Variants in NUGGC observed in about 807,000 individuals in gnomAD.
The protein encoded by NUGGC is nuclear GTPase, germinal center associated, also known as nuclear GTPase SLIP-GC.
A neutral mutation model predicts 92.6 loss-of-function variants in NUGGC; 58 were observed. The observed-to-expected ratio is 0.63, with a 90% CI of 0.51 to 0.78. NUGGC has a LOEUF of 0.78. Among genes scored for constraint, NUGGC ranks in the 30% least tolerant of loss-of-function variants. The pLI is 0.00. For missense variants in NUGGC, 925 were observed against 964.6 expected (o/e 0.96, Z 0.54); for synonymous variants, 376 against 366.4 (o/e 1.03, Z -0.30).
Position 28,057,072 on chromosome 8 carries a change from C to T in NUGGC, c.1117-1018G>A, listed in dbSNP as rs146076457. Among the ~76,000 whole-genome samples the T allele has an allele frequency of 7.1e-3, 1,084 of 152,284 alleles. 8 individuals are homozygous for T. Among genetic ancestry groups the T allele is most frequent in the Non-Finnish European group, 1.0e-2 (680 of 68,028 alleles). On this transcript the variant is annotated intron_variant, in intron 9 of 18. Transcript: ENST00000413272. Reference sequence around the variant, plus strand: ...TTTTCAGCCTGTTTAGAGCAATACCCTAAATCTTGAATAACACCATCGGAC... The same window carrying T: ...TTTTCAGCCTGTTTAGAGCAATACCTTAAATCTTGAATAACACCATCGGAC...
chr8:28,047,649 C>G (rs202034819), intron 10 of NUGGC, 37 bp from the exon 11 acceptor site: 96 of 1,303,798 alleles, frequency 7.4e-5, no homozygotes, highest in Non-Finnish European at 1.0e-4. Flanking sequence ...CAGAATAACT[C>G]AAACCATAGC....
chr8:28,060,712 G>A (rs377205541), intron 7 of NUGGC, 111 bp from the exon 8 acceptor site: 55 of 811,354 alleles, frequency 6.8e-5, no homozygotes, highest in Non-Finnish European at 8.2e-5. Context: ...ACCCCTCACC[G>A]CTCCCCACCG....
intron 18 of NUGGC, among the ~76,000 whole-genome samples, chr8:28,023,944 A>G (rs1239296695): frequency 6.6e-6 from 1 of 152,182 alleles, no homozygotes; most frequent in Non-Finnish European, 1.5e-5. Flanking sequence ...CAGGGCCCAG[A>G]AACCGGATTA....
chr8:28,051,774 T>C (rs1208269451), intron 10 of NUGGC, among the ~76,000 whole-genome samples: 1 of 152,014 alleles, frequency 6.6e-6, no homozygotes, highest in Non-Finnish European at 1.5e-5. Flanking sequence ...AGTACAAAAT[T>C]AGCTGGGCCT....
rs1373174977 is a variant in NUGGC at position 28,023,193 on chromosome 8, G to A, written c.*124C>T. 4 of 1,045,902 alleles carry A rather than the reference G, an allele frequency of 3.8e-6. No homozygotes were observed. The highest frequency in any genetic ancestry group is 1.7e-5 in the South Asian group (1 of 60,380). 64.8% of individuals were successfully genotyped at this position (1,045,902 alleles called of 1,614,324 possible). A position where few individuals can be genotyped will look rare whatever the true frequency, so the allele number is the denominator to read the frequency against. ...TTCGAGGCTGCAGTGAGCTGTGATGGTGCCACTGCACTCCAGCCTGGGCAA... is the reference window on the plus strand; with the variant it reads ...TTCGAGGCTGCAGTGAGCTGTGATGATGCCACTGCACTCCAGCCTGGGCAA... On this transcript the variant is annotated 3_prime_UTR_variant, in exon 19 of 19. Coordinates refer to ENST00000413272, the MANE Select transcript of NUGGC (RefSeq NM_001010906.2).
At chr8:28,041,277 G>A in intron 12 of NUGGC, 62 bp from the exon 13 acceptor site, 1 of 1,507,254 alleles carries the variant, frequency 6.6e-7, no homozygotes, top group Non-Finnish European at 9.0e-7. Flanking sequence ...TTCTCCTGAA[G>A]CTTTGCTTTC....
rs139620826 is a variant in NUGGC, at chr8:28,079,720, C to G, written c.-47+4055G>C. ...CAGCCTCTAATAGGCACTATTTAAA[C>G]AAGCCCCCTGGAGCTCAGGCATAGG... On this transcript the variant is annotated intron_variant, in intron 1 of 18. Coordinates refer to ENST00000413272, the MANE Select transcript of NUGGC (RefSeq NM_001010906.2). Among the ~76,000 whole-genome samples the G allele has an allele frequency of 3.9e-5, 6 of 152,284 alleles. No individual in the cohort carries two copies. The East Asian group carries it at 1.2e-3, about 29-fold the overall frequency.
intron 9 of NUGGC, among the ~76,000 whole-genome samples, chr8:28,056,714 G>A (rs991939612): frequency 2.0e-5 from 3 of 152,040 alleles, no homozygotes; most frequent in Non-Finnish European, 2.9e-5. Flanking sequence ...GTACTACCAC[G>A]AAATGCACAC....
At chr8:28,028,951 G>A (rs952861960) in intron 17 of NUGGC, among the ~76,000 whole-genome samples, 7 of 152,078 alleles carry the variant, frequency 4.6e-5, no homozygotes, top group African/African-American at 1.4e-4. Context: ...TACATCTCCC[G>A]CTGCCAGAAG....
intron 18 of NUGGC, among the ~76,000 whole-genome samples, chr8:28,024,187 A>G (rs1809192331): frequency 6.9e-6 from 1 of 145,636 alleles, no homozygotes; most frequent in Non-Finnish European, 1.5e-5. Flanking sequence ...CGCCTAGCTA[A>G]ATTCTTTCTT....
intron 16 of NUGGC, 31 bp from the exon 17 acceptor site, chr8:28,029,433 A>G (rs1419015217): frequency 6.2e-7 from 1 of 1,609,392 alleles, no homozygotes; most frequent in Non-Finnish European, 8.5e-7. Context: ...AGTCACACCA[A>G]GACAAGGACC....
At position 28,060,434 on chromosome 8, in the gene NUGGC, T is replaced by C. The variant is rs1444550131; in HGVS notation, c.1089A>G (p.Glu363=). Residue 363 remains glutamate, a synonymous_variant, in exon 8 of 19, where the codon GAA becomes GAG. Coordinates refer to ENST00000413272, the MANE Select transcript of NUGGC (RefSeq NM_001010906.2). ...VTKMDKLHLP[E]YLRERKAGNQ... Reference sequence around the variant, plus strand: ...CAAGCCCAGCACAATACCTTAGGTATTCTGGCAAGTGGAGTTTGTCCATCT... The same window carrying C: ...CAAGCCCAGCACAATACCTTAGGTACTCTGGCAAGTGGAGTTTGTCCATCT... The C allele has an allele frequency of 1.9e-6, 3 of 1,613,626 alleles. No individual in the cohort carries two copies. The highest frequency in any genetic ancestry group is 2.5e-6 in the Non-Finnish European group (3 of 1,179,720).
At chr8:28,041,737 G>A (rs191444575) in intron 12 of NUGGC, among the ~76,000 whole-genome samples, 172 of 152,264 alleles carry the variant, frequency 1.1e-3, no homozygotes, top group African/African-American at 4.0e-3. Context: ...CTGGTCTTCC[G>A]AGCTATGGAC....
intron 15 of NUGGC, 33 bp downstream of exon 15, chr8:28,031,210 C>G: frequency 6.2e-7 from 1 of 1,613,228 alleles, no homozygotes; most frequent in Non-Finnish European, 8.5e-7. Context: ...CATGCCCAAC[C>G]TCACTGCTCT....
intron 18 of NUGGC, among the ~76,000 whole-genome samples, chr8:28,024,709 AG>A (rs1165016346): frequency 1.3e-5 from 2 of 152,220 alleles, no homozygotes; most frequent in East Asian, 3.9e-4. Context: ...TCATGAGCAG[AG>A]GGGAGTTAGG....
intron 1 of NUGGC, among the ~76,000 whole-genome samples, chr8:28,082,410 G>A (rs1810872487): frequency 1.3e-5 from 2 of 152,214 alleles, no homozygotes; most frequent in Admixed American, 6.5e-5. Context: ...TCCCAAGCTT[G>A]TTAAAGCTAA....
chr8:28,052,816 T>C (rs1353986810), intron 10 of NUGGC, among the ~76,000 whole-genome samples: 1 of 152,254 alleles, frequency 6.6e-6, no homozygotes, highest in Non-Finnish European at 1.5e-5. Context: ...TGCCATTTAA[T>C]ATGTCTTTTA....
intron 18 of NUGGC, among the ~76,000 whole-genome samples, chr8:28,024,851 G>A (rs1206377410): frequency 6.6e-6 from 1 of 152,156 alleles, no homozygotes. Flanking sequence ...TCCCAGCCCT[G>A]AATAACCACT....
chr8:28,038,549 A>G (rs1446869416), intron 13 of NUGGC, among the ~76,000 whole-genome samples: 3 of 152,202 alleles, frequency 2.0e-5, no homozygotes. Context: ...TAGCTGGCAG[A>G]TGGGGAAACT....
Sources: allele counts gnomAD v4.1 joint callset (sites outside exome capture counted in the v4.1 genomes callset), GRCh38; gene constraint gnomAD v4.1.1; transcripts MANE v1.5; gene names NCBI Gene and HGNC (gene_info 2026-07-23, HGNC 2026-07-21).